The following STT3B variants were observed in gnomAD, a reference collection of about 807,000 sequenced individuals.
STT3B encodes STT3 oligosaccharyltransferase complex catalytic subunit B.
STT3B carries 29 observed loss-of-function variants against 96.8 expected under a neutral mutation model. The observed-to-expected ratio is 0.30, with a 90% CI of 0.22 to 0.41. The LOEUF (loss-of-function observed/expected upper bound fraction) is 0.41. Ranked by LOEUF, STT3B falls within the 10% of genes least tolerant of loss-of-function variation. STT3B has a pLI of 1.00. For missense variants in STT3B, 640 were observed against 1,022.3 expected, an observed-to-expected ratio of 0.63 and a Z score of 5.10; for synonymous variants, 367 against 360.0, an observed-to-expected ratio of 1.02 and a Z score of -0.22.
At chr3:31,557,935 A>G (rs538043694) in intron 1 of STT3B, among the ~76,000 whole-genome samples, 7 of 152,256 alleles carry the variant, frequency 4.6e-5, no homozygotes, top group Admixed American at 3.9e-4. Flanking sequence ...TTTTATATCT[A>G]TTGTAAATGG....
At chr3:31,625,241 G>T (rs752910937) in intron 12 of STT3B, among the ~76,000 whole-genome samples, 156 bp downstream of exon 12, 9 of 152,074 alleles carry the variant, frequency 5.9e-5, no homozygotes, top group Non-Finnish European at 1.0e-4. Flanking sequence ...TGAGTTCAAG[G>T]TGTGCTTATT....
At chr3:31,546,235 T>C (rs1697409864) in intron 1 of STT3B, among the ~76,000 whole-genome samples, 1 of 152,174 alleles carries the variant, frequency 6.6e-6, no homozygotes, top group Admixed American at 6.5e-5. Context: ...TTTCACAATT[T>C]TGTGGGTTGA....
chr3:31,564,225 C>T (rs894197434), intron 1 of STT3B, among the ~76,000 whole-genome samples: 4 of 152,194 alleles, frequency 2.6e-5, no homozygotes, highest in African/African-American at 9.7e-5. Context: ...CACTAAATCA[C>T]TTTGCTCGGG....
intron 1 of STT3B, among the ~76,000 whole-genome samples, chr3:31,558,296 A>G (rs894358850): frequency 6.6e-6 from 1 of 152,216 alleles, no homozygotes; most frequent in Non-Finnish European, 1.5e-5. Flanking sequence ...TTAATTCAGC[A>G]TGATGTTAGC....
intron 3 of STT3B, among the ~76,000 whole-genome samples, chr3:31,581,059 G>A (rs1481521383): frequency 6.6e-6 from 1 of 151,972 alleles, no homozygotes; most frequent in East Asian, 1.9e-4. Context: ...ATAATATAAT[G>A]CTTAGTGGAA....
At position 31,623,836 on chromosome 3, in the gene STT3B, G is replaced by C; in HGVS notation, c.1702G>C (p.Val568Leu). ...CAATGCCTACTCTAGTCCAAGTGTA[G>C]TCCTGGCCTCATACAATCATGATGG... ...TSNAYSSPSVVLASYNHDGTR... is the reference protein window; with the variant it reads ...TSNAYSSPSVLLASYNHDGTR... Residue 568 changes from valine to leucine, a missense_variant, in exon 11 of 16, where the codon GTC (valine) becomes CTC (leucine). By Grantham distance (32) the Val-to-Leu change is conservative. Coordinates refer to ENST00000295770, the MANE Select transcript of STT3B (RefSeq NM_178862.3). 1 of 1,610,398 alleles carries C rather than the reference G, an allele frequency of 6.2e-7. No homozygotes were observed. Among genetic ancestry groups the C allele is most frequent in the Non-Finnish European group, 8.5e-7 (1 of 1,177,818 alleles).
chr3:31,620,092 T>C lies in STT3B; in HGVS notation c.1327+262T>C, dbSNP rs1699391334. The C allele has an allele frequency of 1.0e-5, 6 of 596,248 alleles. No homozygotes were observed. The South Asian group carries it at 1.3e-4, about 13-fold the overall frequency. The allele number at this position is 596,248 out of a possible 1,614,324, so 36.9% of individuals were successfully genotyped here. ...GAGTTCGAGACCAGCCTGGCCAACA[T>C]GGTGAAACCTTGTCTCTACTAAAAA... On this transcript the variant is annotated intron_variant, in intron 9 of 15. Coordinates refer to ENST00000295770, the MANE Select transcript of STT3B (RefSeq NM_178862.3).
At position 31,532,955 on chromosome 3, in the gene STT3B, G is replaced by A; in HGVS notation, c.-44G>A. 6.4e-7 allele frequency: 1 copy of A among 1,552,392 alleles called. No individual in the cohort carries two copies. On this transcript the variant is annotated 5_prime_UTR_variant, in exon 1 of 16. Transcript: ENST00000295770. ...CGCCCAGCACCCCTCGCACCAGGCG[G>A]CGGCGGCGGAGGAGGAGAGCTAGAC...
At chr3:31,567,486 G>T (rs1575417528) in intron 1 of STT3B, among the ~76,000 whole-genome samples, 1 of 152,132 alleles carries the variant, frequency 6.6e-6, no homozygotes, top group East Asian at 1.9e-4. Flanking sequence ...CATGTTTGTC[G>T]CTCATTGTGG....
intron 14 of STT3B, among the ~76,000 whole-genome samples, chr3:31,632,148 A>G (rs1699675940): frequency 6.6e-6 from 1 of 152,276 alleles, no homozygotes; most frequent in African/African-American, 2.4e-5. Context: ...GAGCCACCAC[A>G]TCAGGACGGT....
At chr3:31,584,786 T>G (rs1275027923) in intron 3 of STT3B, among the ~76,000 whole-genome samples, 2 of 152,156 alleles carry the variant, frequency 1.3e-5, no homozygotes, top group African/African-American at 4.8e-5. Flanking sequence ...AGTTCTGGCA[T>G]AAAATACTCT....
chr3:31,566,787 T>C (rs572192926), intron 1 of STT3B, among the ~76,000 whole-genome samples: 18 of 152,334 alleles, frequency 1.2e-4, no homozygotes, highest in Admixed American at 1.0e-3. Context: ...CCCCCAGCTC[T>C]TGTTTCAAAC....
intron 2 of STT3B, 95 bp downstream of exon 2, chr3:31,576,599 T>C: frequency 1.4e-6 from 1 of 707,858 alleles, no homozygotes; most frequent in Non-Finnish European, 2.2e-6. Context: ...CTTGAAAGCT[T>C]TGTATAGTTA....
intron 1 of STT3B, among the ~76,000 whole-genome samples, chr3:31,574,630 G>C (rs529184720): frequency 1.3e-5 from 2 of 151,992 alleles, no homozygotes; most frequent in Non-Finnish European, 2.9e-5. Flanking sequence ...AGCATTTCTA[G>C]CATTAGCTTA....
chr3:31,584,233 A>G (rs1023076795), intron 3 of STT3B, among the ~76,000 whole-genome samples: 1 of 152,168 alleles, frequency 6.6e-6, no homozygotes, highest in Admixed American at 6.6e-5. Flanking sequence ...TTATAAATGT[A>G]TGAGTTTATT....
chr3:31,595,721 T>G (rs973235865), intron 3 of STT3B, among the ~76,000 whole-genome samples: 1 of 152,178 alleles, frequency 6.6e-6, no homozygotes, highest in Non-Finnish European at 1.5e-5. Context: ...TCCTCTAGAT[T>G]GTGAGCTTTT....
chr3:31,568,192 A>G (rs1253263698), intron 1 of STT3B, among the ~76,000 whole-genome samples: 1 of 152,152 alleles, frequency 6.6e-6, no homozygotes, highest in Non-Finnish European at 1.5e-5. Flanking sequence ...ACTGAGTCTC[A>G]TTCTTTTCTT....
At chr3:31,550,359 CA>C (rs1371899536) in intron 1 of STT3B, among the ~76,000 whole-genome samples, 1 of 152,136 alleles carries the variant, frequency 6.6e-6, no homozygotes, top group African/African-American at 2.4e-5. Flanking sequence ...CTGTGTTGCT[CA>C]AAGTAGAGAG....
At chr3:31,545,383 T>C (rs1037260717) in intron 1 of STT3B, among the ~76,000 whole-genome samples, 11 of 152,176 alleles carry the variant, frequency 7.2e-5, no homozygotes, top group African/African-American at 2.7e-4. Context: ...TTCTGGACAT[T>C]TGAAAAGAGT....
Sources: allele counts gnomAD v4.1 joint callset (sites outside exome capture counted in the v4.1 genomes callset), GRCh38; gene constraint gnomAD v4.1.1; transcripts MANE v1.5; gene names NCBI Gene and HGNC (gene_info 2026-07-23, HGNC 2026-07-21).